The following KCNJ1 variants were observed in gnomAD, a reference collection of about 807,000 sequenced individuals.
The protein encoded by KCNJ1 is potassium inwardly rectifying channel subfamily J member 1.
Under a neutral mutation model 21.9 loss-of-function variants are expected in KCNJ1, and 24 were observed. That is an observed-to-expected ratio of 1.10 (90% CI 0.79 to 1.54). The LOEUF is 1.54. Among genes scored for constraint, KCNJ1 ranks in the 40% most tolerant of loss-of-function variants. The pLI is 0.00. For missense variants in KCNJ1, 457 were observed against 455.4 expected (o/e 1.00, Z -0.03); for synonymous variants, 152 against 160.9 (o/e 0.94, Z 0.42).
rs1457178884 is a variant in KCNJ1 at position 128,839,318 on chromosome 11, A to G, written c.926T>C (p.Ile309Thr). 1 of 1,614,020 alleles carries G rather than the reference A, an allele frequency of 6.2e-7. No individual in the cohort carries two copies. Among genetic ancestry groups the G allele is most frequent in the Non-Finnish European group, 8.5e-7 (1 of 1,180,036 alleles). Residue 309 changes from isoleucine to threonine, a missense_variant, in exon 3 of 3, where the codon ATA becomes ACA. Ile to Thr is a moderately conservative substitution (Grantham distance 89). Transcript: ENST00000392666. Reference protein sequence around the residue: ...EVLWGYRFAPIVSKTKEGKYR... With the variant: ...EVLWGYRFAPTVSKTKEGKYR... Reference sequence around the variant, plus strand: ...TTTCCCTTCCTTTGTCTTGGATACTATGGGAGCAAAACGGTAGCCCCAAAG... The same window carrying G: ...TTTCCCTTCCTTTGTCTTGGATACTGTGGGAGCAAAACGGTAGCCCCAAAG...
In KCNJ1 at chr11:128,839,537, G is replaced by A; in HGVS notation, c.707C>T (p.Ala236Val). 1 of 1,614,124 alleles carries A rather than the reference G, an allele frequency of 6.2e-7. No homozygotes were observed. Residue 236 changes from alanine to valine, a missense_variant, in exon 3 of 3, where the codon GCT becomes GTT. Transcript: ENST00000392666. ...GATGAAGAATAAATTTTCATTCCCA[G>A]CGTCAACTACAAAGTTGATATTGAT... The part of the protein sequence containing the change: ...DQININFVVD[A>V]GNENLFFISP...
chr11:128,862,715 G>C (rs1367315760), intron 1 of KCNJ1, among the ~76,000 whole-genome samples: 1 of 152,190 alleles, frequency 6.6e-6, no homozygotes, highest in Non-Finnish European at 1.5e-5. Flanking sequence ...GGGCTTCCCA[G>C]AGGTCTAAGG....
In KCNJ1 at chr11:128,839,005, C is replaced by T. The variant is rs145130405; in HGVS notation, c.*120G>A. ...ATTGCGGGGCTCAGGGGTCTTTGTG[C>T]TGGTAGACTTTGAAGGCTCTCATCC... On this transcript the variant is annotated 3_prime_UTR_variant, in exon 3 of 3. Transcript: ENST00000392666. 1.5e-4 allele frequency: 129 copies of T among 850,654 alleles called. 1 individual carries two copies. Among genetic ancestry groups the T allele is most frequent in the Middle Eastern group, 2.9e-4 (1 of 3,424 alleles). 52.7% of individuals were successfully genotyped at this position (850,654 alleles called of 1,614,324 possible).
At chr11:128,866,144 A>C (rs991705618) in intron 1 of KCNJ1, among the ~76,000 whole-genome samples, 1 of 152,210 alleles carries the variant, frequency 6.6e-6, no homozygotes, top group Non-Finnish European at 1.5e-5. Flanking sequence ...AAGACAACAC[A>C]AGCCAAGCCC....
intron 1 of KCNJ1, among the ~76,000 whole-genome samples, chr11:128,858,694 G>A (rs912664749): frequency 2.6e-5 from 4 of 152,130 alleles, no homozygotes; most frequent in East Asian, 1.9e-4. Context: ...AGTAGTTTAC[G>A]GAGCGTCTAT....
chr11:128,849,608 G>A (rs1943446467), intron 2 of KCNJ1, among the ~76,000 whole-genome samples: 1 of 152,156 alleles, frequency 6.6e-6, no homozygotes, highest in Non-Finnish European at 1.5e-5. Flanking sequence ...GTCATGAGAG[G>A]GGCCTGGCAG....
chr11:128,854,011 C>A (rs1046414280), intron 1 of KCNJ1, among the ~76,000 whole-genome samples: 3 of 152,246 alleles, frequency 2.0e-5, no homozygotes, highest in Admixed American at 6.5e-5. Flanking sequence ...TTGGGTGAAG[C>A]AGTCCAGGCT....
chr11:128,850,866 G>T lies in KCNJ1; in HGVS notation c.-167C>A. 1.0e-6 allele frequency: 1 copy of T among 985,496 alleles called. No individual in the cohort carries two copies. Among genetic ancestry groups the T allele is most frequent in the Non-Finnish European group, 1.2e-6 (1 of 829,968 alleles). 61.0% of individuals were successfully genotyped at this position (985,496 alleles called of 1,614,324 possible). ...TGTCTTTGTCAGGGCCCAGGATGGGGATGAAGGCACAGTAGAGAAGAAACC... is the reference window on the plus strand; with the variant it reads ...TGTCTTTGTCAGGGCCCAGGATGGGTATGAAGGCACAGTAGAGAAGAAACC... On this transcript the variant is annotated 5_prime_UTR_variant, in exon 2 of 3. Transcript: ENST00000392666.
intron 1 of KCNJ1, among the ~76,000 whole-genome samples, chr11:128,854,749 A>G (rs1943552685): frequency 6.6e-6 from 1 of 152,196 alleles, no homozygotes; most frequent in Non-Finnish European, 1.5e-5. Flanking sequence ...GTCCCCAACC[A>G]CCACCTCTCA....
intron 2 of KCNJ1, among the ~76,000 whole-genome samples, chr11:128,848,084 C>T (rs1013978333): frequency 2.6e-5 from 4 of 151,796 alleles, no homozygotes; most frequent in Admixed American, 2.6e-4. Context: ...GTCAGGAGAT[C>T]GAGACCATCC....
At position 128,839,127 on chromosome 11, in the gene KCNJ1, A is replaced by G; in HGVS notation, c.1117T>C (p.Ter373GlnextTer27). Residue 373 changes from the stop codon to glutamine, a stop_lost, in exon 3 of 3, where the codon TAA (stop) becomes CAA (glutamine). Transcript: ENST00000392666. Reference sequence around the variant, plus strand: ...TTACTCCCGTTGAAAAGCCACTGTTACATTTTGGTGTCATCTGTTTCATTG... The same window carrying G: ...TTACTCCCGTTGAAAAGCCACTGTTGCATTTTGGTGTCATCTGTTTCATTG... ...EVNETDDTKM[*>Q] 6.2e-7 allele frequency: 1 copy of G among 1,613,340 alleles called. No homozygotes were observed. Among genetic ancestry groups the G allele is most frequent in the Non-Finnish European group, 8.5e-7 (1 of 1,179,848 alleles).
At position 128,858,307 on chromosome 11, in the gene KCNJ1, T is replaced by G. The variant is rs534369894; in HGVS notation, c.-191-7417A>C. Among the ~76,000 whole-genome samples the G allele has an allele frequency of 2.0e-5, 3 of 152,128 alleles. No homozygotes were observed. The South Asian group carries it at 6.2e-4, about 32-fold the overall frequency. ...GTGCCCAGAGAAAAACATCCACTCC[T>G]TAAGGAGGTTCGCAACACAGCAGTG... On this transcript the variant is annotated intron_variant, in intron 1 of 2. Coordinates refer to ENST00000392666, the MANE Select transcript of KCNJ1 (RefSeq NM_153766.3).
At chr11:128,860,902 G>C (rs999478071) in intron 1 of KCNJ1, among the ~76,000 whole-genome samples, 2 of 152,242 alleles carry the variant, frequency 1.3e-5, no homozygotes, top group East Asian at 1.9e-4. Context: ...AGATCATGTC[G>C]CCGGGGCCTG....
At chr11:128,856,488 G>C (rs963459286) in intron 1 of KCNJ1, among the ~76,000 whole-genome samples, 3 of 152,208 alleles carry the variant, frequency 2.0e-5, no homozygotes, top group Admixed American at 6.5e-5. Context: ...CGCAGAAGAG[G>C]GAGCAGGGGA....
At chr11:128,843,463 T>A (rs1439243815) in intron 2 of KCNJ1, among the ~76,000 whole-genome samples, 2 of 152,242 alleles carry the variant, frequency 1.3e-5, no homozygotes, top group Non-Finnish European at 2.9e-5. Context: ...TTTTCTTTAG[T>A]GCCTCAGCAT....
At chr11:128,866,891 C>G (rs766183472) in intron 1 of KCNJ1, among the ~76,000 whole-genome samples, 1 of 152,126 alleles carries the variant, frequency 6.6e-6, no homozygotes, top group South Asian at 2.1e-4. Context: ...CAAAAGAAGA[C>G]TTTGGAATCA....
At chr11:128,852,702 C>T (rs551862371) in intron 1 of KCNJ1, among the ~76,000 whole-genome samples, 76 of 152,382 alleles carry the variant, frequency 5.0e-4, no homozygotes, top group African/African-American at 1.6e-3. Context: ...TCCTCATTAC[C>T]GGGCACAGCC....
Position 128,840,119 on chromosome 11 carries a change from C to T in KCNJ1, c.125G>A (p.Arg42Lys), listed in dbSNP as rs762542207. Residue 42 changes from arginine (R) to lysine (K), a missense_variant, in exon 3 of 3, where the codon AGG (arginine) becomes AAG (lysine). Transcript: ENST00000392666. Reference sequence around the variant, plus strand: ...CCAGATGTCCACAAAGAATATAAACCTTGACTGTGCCTCCACATTGCCAAA... The same window carrying T: ...CCAGATGTCCACAAAGAATATAAACTTTGACTGTGCCTCCACATTGCCAAA... The part of the protein sequence containing the change: ...IEFGNVEAQS[R>K]FIFFVDIWTT... 5 of 1,614,004 alleles carry T rather than the reference C, an allele frequency of 3.1e-6. No homozygotes were observed. The highest frequency in any genetic ancestry group is 1.6e-4 in the Middle Eastern group (1 of 6,084).
intron 1 of KCNJ1, among the ~76,000 whole-genome samples, chr11:128,861,863 T>G (rs1943714789): frequency 6.6e-6 from 1 of 151,890 alleles, no homozygotes; most frequent in African/African-American, 2.4e-5. Flanking sequence ...TCCTAACGGG[T>G]GAGGTTGAAG....
Sources: gnomAD v4.1 joint callset for allele counts (sites outside exome capture counted in the v4.1 genomes callset) on GRCh38, gnomAD v4.1.1 for gene constraint, MANE v1.5 for transcripts, NCBI Gene and HGNC (gene_info 2026-07-23, HGNC 2026-07-21) for gene names.